SERF2: variants seen among roughly 807,000 people sequenced by gnomAD.
The protein encoded by SERF2 is small EDRK-rich factor 2.
A neutral mutation model predicts 10.7 loss-of-function variants in SERF2; 4 were observed. The observed-to-expected ratio is 0.37, with a 90% CI of 0.18 to 0.86. The LOEUF (loss-of-function observed/expected upper bound fraction) is 0.86, where lower values mean the gene tolerates loss of function less well. Ranked by LOEUF, SERF2 falls within the 40% of genes least tolerant of loss-of-function variation. The pLI is 0.43. For missense variants in SERF2, 47 were observed against 79.1 expected (o/e 0.59, Z 1.54); for synonymous variants, 26 against 26.0 (o/e 1.00, Z 0.01).
chr15:43,781,415 A>G lies in SERF2; in HGVS notation c.-527+3913A>G, dbSNP rs1001520787. 5.9e-5 allele frequency among the ~76,000 whole-genome samples: 9 copies of G among 152,046 alleles called. No individual in the cohort carries two copies. The South Asian group carries it at 1.9e-3, about 32-fold the overall frequency. On this transcript the variant is annotated intron_variant, in intron 1 of 4. Transcript: ENST00000381359. ...ACTAAAAACACAAAAATTAGCTGGG[A>G]GCGGTGACTAATTTTAGTCCCAGCT...
At chr15:43,784,407 C>T (rs1053450988) in intron 1 of SERF2, among the ~76,000 whole-genome samples, 1 of 152,086 alleles carries the variant, frequency 6.6e-6, no homozygotes, top group Non-Finnish European at 1.5e-5. Flanking sequence ...TTTCTCATTT[C>T]TTGGGTTGGG....
At chr15:43,793,255 AG>A (rs1391515595) in intron 2 of SERF2, 172 bp downstream of exon 2, 6 of 593,562 alleles carry the variant, frequency 1.0e-5, no homozygotes, top group Admixed American at 3.0e-5. Flanking sequence ...GTTAGCTCAC[AG>A]CCTTACAGGA....
rs1256586568 is a variant in SERF2, at chr15:43,792,331, G to A, written c.-46G>A. 3 of 1,515,278 alleles carry A rather than the reference G, an allele frequency of 2.0e-6. No individual in the cohort carries two copies. Among genetic ancestry groups the A allele is most frequent in the South Asian group, 1.1e-5 (1 of 89,118 alleles). 93.9% of individuals were successfully genotyped at this position (1,515,278 alleles called of 1,614,324 possible). A position where few individuals can be genotyped will look rare whatever the true frequency, so the allele number is the denominator to read the frequency against. On this transcript the variant is annotated 5_prime_UTR_variant, in exon 1 of 3. Transcript: ENST00000249786. ...GGGGCGGGACCTGCAACGTCCGACA[G>A]AACGAGGGGACGTAACGGAGGCAGG...
intron 2 of SERF2, 55 bp downstream of exon 2, chr15:43,793,138 G>GTA (rs1567167813): frequency 8.8e-7 from 1 of 1,140,670 alleles, no homozygotes; most frequent in African/African-American, 1.5e-5. Context: ...TAGACCAAGG[G>GTA]TTATAGAAGG....
At position 43,784,529 on chromosome 15, in the gene SERF2, C is replaced by T. The variant is rs991038474; in HGVS notation, c.-526-881C>T. On this transcript the variant is annotated intron_variant, in intron 1 of 4. Transcript: ENST00000381359. ...TGTCACCCAGGCTGGAGTGCAGTGGCGCGATCTCGGCTCACTGCAAGCTCC... is the reference window on the plus strand; with the variant it reads ...TGTCACCCAGGCTGGAGTGCAGTGGTGCGATCTCGGCTCACTGCAAGCTCC... Among the ~76,000 whole-genome samples the T allele has an allele frequency of 3.3e-5, 5 of 151,490 alleles. 1 individual carries two copies. In the South Asian group the frequency reaches 6.3e-4, roughly 19 times the overall value.
chr15:43,779,804 T>C (rs1186213533), intron 1 of SERF2, among the ~76,000 whole-genome samples: 1 of 152,186 alleles, frequency 6.6e-6, no homozygotes, highest in African/African-American at 2.4e-5. Flanking sequence ...AAATTACATC[T>C]GTATTTTCAC....
At chr15:43,789,006 G>T (rs1200212683), upstream of SERF2, among the ~76,000 whole-genome samples, 1 of 152,008 alleles carries the variant, frequency 6.6e-6, no homozygotes. Context: ...AAAATTAGCC[G>T]GGCGTAGTGG....
At chr15:43,783,856 G>T (rs1348675619) in intron 1 of SERF2, among the ~76,000 whole-genome samples, 2 of 148,940 alleles carry the variant, frequency 1.3e-5, no homozygotes, top group African/African-American at 2.5e-5. Context: ...CCACCTCTGG[G>T]TTCATGTGAT....
intron 1 of SERF2, among the ~76,000 whole-genome samples, chr15:43,783,631 G>T (rs2086981957): frequency 6.9e-6 from 1 of 145,692 alleles, no homozygotes; most frequent in Non-Finnish European, 1.5e-5. Context: ...ACAGAATTTT[G>T]CCCTGTTGCC....
At chr15:43,785,019 C>G (rs957915854) in intron 1 of SERF2, among the ~76,000 whole-genome samples, 8 of 151,000 alleles carry the variant, frequency 5.3e-5, no homozygotes, top group Non-Finnish European at 1.2e-4. Flanking sequence ...TCCCAAAGTG[C>G]TGGGATTACA....
chr15:43,778,995 T>C (rs1430252545), intron 1 of SERF2, among the ~76,000 whole-genome samples: 4 of 152,128 alleles, frequency 2.6e-5, no homozygotes, highest in South Asian at 2.1e-4. Context: ...ATGGGAGAAA[T>C]AGCATGTTCC....
Position 43,792,364 on chromosome 15 carries a change from C to G in SERF2, c.-13C>G, listed in dbSNP as rs754705256. On this transcript the variant is annotated 5_prime_UTR_variant, in exon 1 of 3. Transcript: ENST00000249786. ...GGACGTAACGGAGGCAGGTTGGAGC[C>G]GCTGCCGTCGCCATGACCCGTGAGC... 1.9e-6 allele frequency: 3 copies of G among 1,608,512 alleles called. No individual in the cohort carries two copies. Among genetic ancestry groups the G allele is most frequent in the African/African-American group, 1.3e-5 (1 of 74,950 alleles).
chr15:43,783,562 A>G (rs2086981419), intron 1 of SERF2, among the ~76,000 whole-genome samples: 1 of 151,044 alleles, frequency 6.6e-6, no homozygotes, highest in African/African-American at 2.4e-5. Flanking sequence ...TCGGCCTCCC[A>G]AAGTGCTGGG....
rs1770154584 is a variant in SERF2 at position 43,792,329 on chromosome 15, C to T, written c.-48C>T. Reference sequence around the variant, plus strand: ...AAGGGGCGGGACCTGCAACGTCCGACAGAACGAGGGGACGTAACGGAGGCA... The same window carrying T: ...AAGGGGCGGGACCTGCAACGTCCGATAGAACGAGGGGACGTAACGGAGGCA... On this transcript the variant is annotated 5_prime_UTR_variant, in exon 1 of 3. Transcript: ENST00000249786. 1 of 1,499,934 alleles carries T rather than the reference C, an allele frequency of 6.7e-7. No individual in the cohort carries two copies. Among genetic ancestry groups the T allele is most frequent in the Admixed American group, 1.7e-5 (1 of 59,878 alleles). The allele number at this position is 1,499,934 out of a possible 1,614,324, so 92.9% of individuals were successfully genotyped here.
intron 1 of SERF2, 73 bp from the exon 2 acceptor site, chr15:43,792,902 C>A: frequency 9.0e-7 from 1 of 1,106,146 alleles, no homozygotes; most frequent in Non-Finnish European, 1.3e-6. Context: ...CTGCTGGCCG[C>A]GCTGGGGTAG....
chr15:43,795,435 GA>G lies in SERF2; in HGVS notation c.*1664del. Reference sequence around the variant, plus strand: ...CCATGACATAGAGTGAGGCAAGGAAGAAGACGAAGTGGAAGGCAGAATAGTT... The same window carrying G: ...CCATGACATAGAGTGAGGCAAGGAAGAGACGAAGTGGAAGGCAGAATAGTT... On this transcript the variant is annotated 3_prime_UTR_variant, in exon 3 of 3. Transcript: ENST00000249786. 1 of 1,614,202 alleles carries G rather than the reference GA, an allele frequency of 6.2e-7. No homozygotes were observed. The highest frequency in any genetic ancestry group is 8.5e-7 in the Non-Finnish European group (1 of 1,180,034).
rs1341292449 is a variant in SERF2, at chr15:43,793,046, C to G, written c.79C>G (p.Arg27Gly). 1 of 1,612,998 alleles carries G rather than the reference C, an allele frequency of 6.2e-7. No homozygotes were observed. The highest frequency in any genetic ancestry group is 8.5e-7 in the Non-Finnish European group (1 of 1,179,170). ...KQSDSVKGKR[R>G]DDGLSAAARK... ...GAGCGACTCGGTTAAGGGAAAGCGC[C>G]GAGATGACGGGCTTTCTGCTGCCGC... Residue 27 changes from arginine to glycine, a missense_variant, in exon 2 of 3, where the codon CGA (arginine) becomes GGA (glycine). Coordinates refer to ENST00000249786, the MANE Select transcript of SERF2 (RefSeq NM_001018108.4).
Position 43,794,992 on chromosome 15 carries a change from A to G in SERF2, c.*1219A>G. On this transcript the variant is annotated 3_prime_UTR_variant, in exon 3 of 3. Transcript: ENST00000249786. Reference sequence around the variant, plus strand: ...AATGTCAGGGGAACCCCAGTTTGTGAAAAGGACTTAGACTGGAGGATATTT... The same window carrying G: ...AATGTCAGGGGAACCCCAGTTTGTGGAAAGGACTTAGACTGGAGGATATTT... 1 of 1,601,032 alleles carries G rather than the reference A, an allele frequency of 6.2e-7. No homozygotes were observed.
At chr15:43,777,320 C>T (rs1023110360) in exon 1 of SERF2, 1 of 344,268 alleles carries the variant, frequency 2.9e-6, no homozygotes, top group Non-Finnish European at 5.8e-6. Flanking sequence ...GGGTTTCAGC[C>T]GCAGAGGGGC....
Sources: gnomAD v4.1 joint callset for allele counts (sites outside exome capture counted in the v4.1 genomes callset) on GRCh38, gnomAD v4.1.1 for gene constraint, MANE v1.5 for transcripts, NCBI Gene and HGNC (gene_info 2026-07-23, HGNC 2026-07-21) for gene names.